Variants in DMD observed in about 807,000 individuals in gnomAD.
The protein encoded by DMD is mutant dystrophin.
Under a neutral mutation model 330.1 loss-of-function variants are expected in DMD, and 63 were observed. The ratio of observed to expected loss-of-function variants is 0.19; its 90% CI spans 0.16 to 0.24. DMD has a LOEUF of 0.24. Among genes scored for constraint, DMD ranks in the 10% least tolerant of loss-of-function variants. The pLI is 1.00. For missense variants in DMD, 3,344 were observed against 2,684.1 expected (o/e 1.25, Z -5.43); for synonymous variants, 1,223 against 959.8 (o/e 1.27, Z -5.07).
At chrX:32,155,285 G>T (rs2096825164) in intron 44 of DMD, 1 of 403,735 alleles carries the variant, frequency 2.5e-6, no homozygotes, top group Non-Finnish European at 3.1e-6. Context: ...TTACAGAAAA[G>T]CTGCCAGACC....
chrX:32,688,416 A>C (rs1173640273), intron 9 of DMD, among the ~76,000 whole-genome samples: 3 of 112,303 alleles, frequency 2.7e-5, no homozygotes, highest in Non-Finnish European at 5.6e-5. Flanking sequence ...ACATTTTTTG[A>C]CTTATATTTT....
At chrX:32,406,022 T>C (rs1422772816) in intron 30 of DMD, among the ~76,000 whole-genome samples, 1 of 111,510 alleles carries the variant, frequency 9.0e-6, no homozygotes, top group African/African-American at 3.3e-5. Context: ...CAATTGCGAA[T>C]GGGAGTTCAC....
chrX:33,233,211 G>T (rs901478017), intron 1 of DMD, among the ~76,000 whole-genome samples: 1 of 111,117 alleles, frequency 9.0e-6, no homozygotes, highest in African/African-American at 3.3e-5. Flanking sequence ...AATTGTCAAT[G>T]AAAAAGAAAT....
intron 13 of DMD, among the ~76,000 whole-genome samples, chrX:32,593,936 G>A (rs751281982): frequency 1.8e-4 from 20 of 112,282 alleles, no homozygotes; most frequent in Non-Finnish European, 3.2e-4. Context: ...GGGACAAGCT[G>A]AACCTTTGAG....
At chrX:32,744,071 A>G (rs1049372629) in intron 7 of DMD, among the ~76,000 whole-genome samples, 1 of 111,263 alleles carries the variant, frequency 9.0e-6, no homozygotes, top group Non-Finnish European at 1.9e-5. Context: ...ACACATATTC[A>G]TCTTTAAACC....
intron 44 of DMD, among the ~76,000 whole-genome samples, chrX:32,043,152 G>T (rs1418187612): frequency 1.8e-5 from 2 of 111,178 alleles, no homozygotes; most frequent in Non-Finnish European, 3.8e-5. Context: ...CATGTACCCC[G>T]TTGACATATA....
intron 41 of DMD, among the ~76,000 whole-genome samples, chrX:32,316,871 A>G (rs2097584351): frequency 9.0e-6 from 1 of 111,101 alleles, no homozygotes; most frequent in African/African-American, 3.3e-5. Context: ...ATAATGAGAA[A>G]ACTACATCCA....
At chrX:32,143,329 C>T (rs1045934461) in intron 44 of DMD, among the ~76,000 whole-genome samples, 2 of 110,788 alleles carry the variant, frequency 1.8e-5, no homozygotes, top group African/African-American at 6.6e-5. Flanking sequence ...GACTTAACCA[C>T]TCATTTAAAA....
At chrX:31,497,386 C>T (rs1357536630) in intron 56 of DMD, among the ~76,000 whole-genome samples, 1 of 111,839 alleles carries the variant, frequency 8.9e-6, no homozygotes, top group Middle Eastern at 4.6e-3. Context: ...ACACCCTAGG[C>T]AGCCTTTTCC....
intron 11 of DMD, among the ~76,000 whole-genome samples, chrX:32,640,198 T>A (rs906061450): frequency 2.7e-5 from 3 of 109,366 alleles, no homozygotes; most frequent in African/African-American, 9.9e-5. Context: ...CAGCTCATCA[T>A]CTTATTTATC....
intron 44 of DMD, among the ~76,000 whole-genome samples, chrX:31,985,835 C>T (rs2095505246): frequency 9.0e-6 from 1 of 111,552 alleles, no homozygotes; most frequent in Non-Finnish European, 1.9e-5. Context: ...TAATAATGCT[C>T]AATAGTTGAG....
rs142064924 is a variant in DMD, at chrX:32,802,688, G to T, written c.649+6805C>A. Among the ~76,000 whole-genome samples the T allele has an allele frequency of 1.4e-3, 157 of 111,808 alleles. 1 individual carries two copies. The East Asian group carries it at 0.038, about 27-fold the overall frequency. ...TTGAAAATTTTTAGCATGAAGGGTA[G>T]TGAATTTTATCAAAGGCCTTTTCTG... On this transcript the variant is annotated intron_variant, in intron 7 of 78. Transcript: ENST00000357033.
At chrX:31,134,079 C>T in intron 77 of DMD, 23 bp downstream of exon 77, 1 of 1,188,757 alleles carries the variant, frequency 8.4e-7, no homozygotes, top group African/African-American at 1.7e-5. Flanking sequence ...AAATCTGAGT[C>T]CCTTCTAGGT....
At chrX:32,004,810 G>T (rs1421124035) in intron 44 of DMD, among the ~76,000 whole-genome samples, 1 of 111,216 alleles carries the variant, frequency 9.0e-6, no homozygotes, top group Non-Finnish European at 1.9e-5. Context: ...ACAGTACCTT[G>T]ACCTTGTATT....
At chrX:32,922,594 G>T (rs914738768) in intron 2 of DMD, among the ~76,000 whole-genome samples, 4 of 112,071 alleles carry the variant, frequency 3.6e-5, no homozygotes, top group African/African-American at 9.7e-5. Context: ...TAGATCCCTC[G>T]CATGCGCAGG....
chrX:32,599,550 T>C (rs1258744661), intron 12 of DMD, among the ~76,000 whole-genome samples: 2 of 112,359 alleles, frequency 1.8e-5, no homozygotes, highest in African/African-American at 6.4e-5. Context: ...GAGATTTATA[T>C]TGGATTTGCT....
At chrX:31,825,514 C>T (rs1374897173) in intron 49 of DMD, among the ~76,000 whole-genome samples, 1 of 111,556 alleles carries the variant, frequency 9.0e-6, no homozygotes, top group Non-Finnish European at 1.9e-5. Flanking sequence ...TATGTTTCTA[C>T]CAGTTGACTT....
intron 50 of DMD, among the ~76,000 whole-genome samples, chrX:31,804,059 C>T (rs754240970): frequency 1.1e-3 from 120 of 111,031 alleles, no homozygotes; most frequent in Non-Finnish European, 2.0e-3. Context: ...TTCTTACCCT[C>T]GAGACTTCAG....
In DMD at chrX:31,989,473, C is replaced by A. The variant is rs1042673158; in HGVS notation, c.6439-20959G>T. Among the ~76,000 whole-genome samples, 3 of 111,458 alleles carry A rather than the reference C, an allele frequency of 2.7e-5. No homozygotes were observed. In the South Asian group the frequency reaches 1.1e-3, roughly 42 times the overall value. The stretch of plus-strand genomic sequence containing the variant: ...GCTAGATTTCTTCAGGTCAGAAATT[C>A]TGCCGTATTCAATGCATGAAGAAAG... On this transcript the variant is annotated intron_variant, in intron 44 of 78. Coordinates refer to ENST00000357033, the MANE Select transcript of DMD (RefSeq NM_004006.3).
Sources: allele counts gnomAD v4.1 joint callset (sites outside exome capture counted in the v4.1 genomes callset), GRCh38; gene constraint gnomAD v4.1.1; transcripts MANE v1.5; gene names NCBI Gene and HGNC (gene_info 2026-07-23, HGNC 2026-07-21).